SH3TC1: variants seen among roughly 807,000 people sequenced by gnomAD.
SH3TC1 encodes SH3 domain and tetratricopeptide repeats 1.
A neutral mutation model predicts 117.3 loss-of-function variants in SH3TC1; 135 were observed. That is an observed-to-expected ratio of 1.15 (90% CI 1.00 to 1.33). The LOEUF (loss-of-function observed/expected upper bound fraction) is 1.33. Ranked by LOEUF, SH3TC1 falls within the 40% of genes most tolerant of loss-of-function variation. The probability of loss-of-function intolerance (pLI) is 0.00; values close to 1 mark genes in which losing one functional copy is unlikely to be tolerated. For synonymous variants in SH3TC1, 898 were observed against 816.9 expected, an observed-to-expected ratio of 1.10 and a Z score of -1.69; for missense variants, 2,092 against 1,794.3, an observed-to-expected ratio of 1.17 and a Z score of -3.00.
intron 5 of SH3TC1, 127 bp from the exon 6 acceptor site, chr4:8,215,984 T>C: frequency 8.6e-7 from 1 of 1,168,876 alleles, no homozygotes; most frequent in Non-Finnish European, 1.2e-6. Context: ...CCAGGGCAGG[T>C]GGGTGTCTTC....
intron 13 of SH3TC1, chr4:8,232,510 T>G (rs554408691): frequency 1.4e-6 from 2 of 1,392,842 alleles, no homozygotes; most frequent in African/African-American, 2.9e-5. Flanking sequence ...TCTTCACTCC[T>G]GGCCTTCACC....
Position 8,186,142 on chromosome 4 carries a change from C to T in SH3TC1, c.-57+3932C>T, listed in dbSNP as rs1417292579. 3.3e-5 allele frequency among the ~76,000 whole-genome samples: 5 copies of T among 152,168 alleles called. No individual in the cohort carries two copies. Among genetic ancestry groups the T allele is most frequent in the Admixed American group, 2.6e-4 (4 of 15,274 alleles). ...TTGAAGTGGAGGTCAGCTTCTCAAGCGGGGTTTAATTAACAGCAGCTGCTG... is the reference window on the plus strand; with the variant it reads ...TTGAAGTGGAGGTCAGCTTCTCAAGTGGGGTTTAATTAACAGCAGCTGCTG... On this transcript the variant is annotated intron_variant, in intron 1 of 16. Coordinates refer to the SH3TC1 transcript ENST00000508641. This position sits in a 1 kb window ranked among gnomAD's most constrained non-coding sequence, Gnocchi z 5.2.
In SH3TC1 at chr4:8,222,842, T is replaced by C. The variant is rs377088169; in HGVS notation, c.1115T>C (p.Leu372Ser). The change falls in exon 10 of 18, where the codon TTG becomes TCG. Residue 372 changes from leucine to serine, a missense_variant and splice_region_variant. Transcript: ENST00000245105. ...LISMQGPVSELESAIFLNEEE... is the reference protein window; with the variant it reads ...LISMQGPVSESESAIFLNEEE... ...ATAAAGCACTTTATTTTTTCCAGGT[T>C]GGAAAGTGCGATTTTTCTCAATGAG... 9 of 1,609,898 alleles carry C rather than the reference T, an allele frequency of 5.6e-6. No individual in the cohort carries two copies. Among genetic ancestry groups the C allele is most frequent in the Non-Finnish European group, 7.6e-6 (9 of 1,176,528 alleles).
In SH3TC1 at chr4:8,240,931, G is replaced by C; in HGVS notation, c.3987G>C (p.Trp1329Cys). ...PPLPLCGWAP[W>C]LAPSHPR ...TGCCACTCTGCGGGTGGGCCCCCTGGTTGGCCCCCAGCCACCCTCGCTGAG... is the reference window on the plus strand; with the variant it reads ...TGCCACTCTGCGGGTGGGCCCCCTGCTTGGCCCCCAGCCACCCTCGCTGAG... Residue 1329 changes from tryptophan to cysteine, a missense_variant, in exon 18 of 18, where the codon TGG (tryptophan) becomes TGC (cysteine). Transcript: ENST00000245105. 2 of 1,611,594 alleles carry C rather than the reference G, an allele frequency of 1.2e-6. No homozygotes were observed. Among genetic ancestry groups the C allele is most frequent in the Non-Finnish European group, 1.7e-6 (2 of 1,179,994 alleles).
intron 7 of SH3TC1, 35 bp downstream of exon 7, chr4:8,217,202 G>A: frequency 6.4e-7 from 1 of 1,564,632 alleles, no homozygotes; most frequent in South Asian, 1.2e-5. Context: ...GAGAGCTGTT[G>A]GCCTCGCTGA....
Position 8,217,035 on chromosome 4 carries a change from C to A in SH3TC1, c.707C>A (p.Ala236Asp), listed in dbSNP as rs576804486. 1.9e-6 allele frequency: 3 copies of A among 1,613,524 alleles called. No individual in the cohort carries two copies. The South Asian group carries it at 3.3e-5, about 18-fold the overall frequency. ...GPRDAGNGPQ[A>D]LRQASGAPQG... is the part of the protein sequence containing the mutation. ...CGGGATGCAGGAAATGGCCCCCAGG[C>A]CCTCAGGCAGGCTTCGGGGGCACCC... The change falls in exon 7 of 18, where the codon GCC becomes GAC. Residue 236 changes from alanine (A) to aspartate (D), a missense_variant. Transcript: ENST00000245105.
chr4:8,220,732 C>T (rs754682801), intron 9 of SH3TC1, among the ~76,000 whole-genome samples: 1 of 152,154 alleles, frequency 6.6e-6, no homozygotes, highest in Non-Finnish European at 1.5e-5. Flanking sequence ...TTTAGGGCTG[C>T]GACAGACCAA....
intron 13 of SH3TC1, chr4:8,232,902 G>A (rs1434680890): frequency 5.0e-6 from 6 of 1,202,126 alleles, no homozygotes; most frequent in Non-Finnish European, 6.3e-6. Flanking sequence ...TGTCACCTAG[G>A]AGCTTGTGGC....
intron 16 of SH3TC1, chr4:8,236,676 G>A: frequency 2.3e-6 from 1 of 427,528 alleles, no homozygotes; most frequent in South Asian, 7.2e-5. Context: ...CACGAGGGCT[G>A]CCCAGTGTGC....
Position 8,228,405 on chromosome 4 carries a change from T to G in SH3TC1, c.2711T>G (p.Val904Gly), listed in dbSNP as rs574280390. The G allele has an allele frequency of 5.0e-6, 8 of 1,609,082 alleles. No individual in the cohort carries two copies. In the African/African-American group the frequency reaches 1.1e-4, roughly 21 times the overall value. Reference sequence around the variant, plus strand: ...CTGGGCCAGCAAAGGAACCAGGCAGTGGGGCTGGCCAACTTCGGGGCCCTG... The same window carrying G: ...CTGGGCCAGCAAAGGAACCAGGCAGGGGGGCTGGCCAACTTCGGGGCCCTG... ...RDLGQQRNQA[V>G]GLANFGALCL... The change falls in exon 12 of 18, where the codon GTG (valine) becomes GGG (glycine). Residue 904 changes from valine to glycine, a missense_variant. Transcript: ENST00000245105.
chr4:8,187,017 C>T (rs752805150), intron 1 of SH3TC1, among the ~76,000 whole-genome samples: 5 of 152,118 alleles, frequency 3.3e-5, no homozygotes, highest in Non-Finnish European at 5.9e-5. Flanking sequence ...GACTCCTGCC[C>T]GACTTCCCTT....
chr4:8,201,193 C>T (rs147854237), intron 1 of SH3TC1, among the ~76,000 whole-genome samples: 8 of 152,308 alleles, frequency 5.3e-5, no homozygotes, highest in African/African-American at 9.6e-5. Context: ...GGGCTGGCCG[C>T]GGCCCTCTCC....
chr4:8,236,507 G>A lies in SH3TC1; in HGVS notation c.3556+79G>A, dbSNP rs950409131. On this transcript the variant is annotated intron_variant, in intron 16 of 17. Coordinates refer to ENST00000245105, the MANE Select transcript of SH3TC1 (RefSeq NM_018986.5). Reference sequence around the variant, plus strand: ...CCTCCAGGTCTGCAGGGCAGGAGCCGAAACAGCTGCCGGATTTTCCTGGTC... The same window carrying A: ...CCTCCAGGTCTGCAGGGCAGGAGCCAAAACAGCTGCCGGATTTTCCTGGTC... 5.9e-5 allele frequency: 83 copies of A among 1,405,188 alleles called. No individual in the cohort carries two copies. The East Asian group carries it at 1.4e-3, about 24-fold the overall frequency. The allele number at this position is 1,405,188 out of a possible 1,614,324, so 87.0% of individuals were successfully genotyped here.
At chr4:8,195,356 G>T (rs1717527791), upstream of SH3TC1, among the ~76,000 whole-genome samples, 1 of 152,188 alleles carries the variant, frequency 6.6e-6, no homozygotes, top group African/African-American at 2.4e-5. Flanking sequence ...GGTTCGGACA[G>T]GTCCTCTGGC....
chr4:8,228,383 G>C lies in SH3TC1; in HGVS notation c.2689G>C (p.Gly897Arg), dbSNP rs758266497. The C allele has an allele frequency of 1.9e-6, 3 of 1,610,790 alleles. No individual in the cohort carries two copies. Among genetic ancestry groups the C allele is most frequent in the Non-Finnish European group, 2.5e-6 (3 of 1,179,204 alleles). ...YRALRVARDL[G>R]QQRNQAVGLA... ...CGCCCTGCGGGTGGCTCGGGACCTG[G>C]GCCAGCAAAGGAACCAGGCAGTGGG... The change falls in exon 12 of 18, where the codon GGC becomes CGC. Residue 897 changes from glycine to arginine, a missense_variant. Gly to Arg is a moderately radical substitution (Grantham distance 125). Coordinates refer to ENST00000245105, the MANE Select transcript of SH3TC1 (RefSeq NM_018986.5).
chr4:8,188,898 A>G (rs1318411046), intron 1 of SH3TC1, among the ~76,000 whole-genome samples: 1 of 152,090 alleles, frequency 6.6e-6, no homozygotes, highest in African/African-American at 2.4e-5. Flanking sequence ...TCCCAGGGGG[A>G]GGTGCAGCCA....
In SH3TC1 at chr4:8,219,465, C is replaced by T. The variant is rs148016463; in HGVS notation, c.1047C>T (p.His349=). 6.5e-5 allele frequency: 104 copies of T among 1,608,158 alleles called. No homozygotes were observed. The South Asian group carries it at 6.7e-4, about 10-fold the overall frequency. Reference sequence around the variant, plus strand: ...GCCTGCCCTGGTGCGTGGGCCGACACGCAGCCTCGGGCCGGGTGGGGTTTG... The same window carrying T: ...GCCTGCCCTGGTGCGTGGGCCGACATGCAGCCTCGGGCCGGGTGGGGTTTG... ...VPSLPWCVGR[H]AASGRVGFVR... Residue 349 remains histidine, a synonymous_variant, in exon 9 of 18, where the codon CAC becomes CAT. Coordinates refer to ENST00000245105, the MANE Select transcript of SH3TC1 (RefSeq NM_018986.5).
chr4:8,194,321 G>A (rs1266367293), upstream of SH3TC1, among the ~76,000 whole-genome samples: 3 of 152,220 alleles, frequency 2.0e-5, no homozygotes, highest in East Asian at 1.9e-4. Flanking sequence ...TTCTTTGAGC[G>A]ACCTGGGAGA....
intron 8 of SH3TC1, 136 bp downstream of exon 8, chr4:8,218,483 T>G: frequency 1.7e-6 from 1 of 592,914 alleles, no homozygotes; most frequent in South Asian, 2.8e-5. Flanking sequence ...AATTGTGGTT[T>G]TTGTTATTGC....
Sources: gnomAD v4.1 joint callset for allele counts (sites outside exome capture counted in the v4.1 genomes callset) on GRCh38, gnomAD v4.1.1 for gene constraint, Gnocchi (gnomAD v3.1) non-coding constraint, MANE v1.5 for transcripts, NCBI Gene and HGNC (gene_info 2026-07-23, HGNC 2026-07-21) for gene names.